OR3A2: variants seen among roughly 807,000 people sequenced by gnomAD.
OR3A2 encodes olfactory receptor family 3 subfamily A member 2.
For missense variants in OR3A2, 318 were observed against 392.8 expected (o/e 0.81, Z 1.61); for synonymous variants, 126 against 159.3 (o/e 0.79, Z 1.57).
intron 3 of OR3A2, among the ~76,000 whole-genome samples, chr17:3,294,529 A>T (rs1160960614): frequency 6.6e-6 from 1 of 152,218 alleles, no homozygotes; most frequent in South Asian, 2.1e-4. Flanking sequence ...TTTAAAACTC[A>T]ATTTTAATTA....
chr17:3,379,444 G>T (rs893320671), intron 2 of OR3A2, among the ~76,000 whole-genome samples: 1 of 152,180 alleles, frequency 6.6e-6, no homozygotes, highest in Non-Finnish European at 1.5e-5. Context: ...CAACCCTGAA[G>T]TCCACAAAGA....
chr17:3,352,809 T>C (rs1279168533), intron 2 of OR3A2, among the ~76,000 whole-genome samples: 1 of 152,070 alleles, frequency 6.6e-6, no homozygotes, highest in East Asian at 1.9e-4. Flanking sequence ...TTGATAAGGA[T>C]TGCATTGAAT....
At chr17:3,294,504 G>A (rs1470369859) in intron 3 of OR3A2, among the ~76,000 whole-genome samples, 2 of 151,954 alleles carry the variant, frequency 1.3e-5, no homozygotes, top group African/African-American at 4.8e-5. Flanking sequence ...TCAAAAAAGT[G>A]GAAAAGAACA....
intron 2 of OR3A2, among the ~76,000 whole-genome samples, chr17:3,376,295 T>C (rs2049683101): frequency 6.6e-6 from 1 of 152,224 alleles, no homozygotes; most frequent in Admixed American, 6.5e-5. Flanking sequence ...AAGCTTGCCC[T>C]ACATTGGCCA....
chr17:3,357,301 C>T (rs568827032), intron 2 of OR3A2, among the ~76,000 whole-genome samples: 3 of 151,674 alleles, frequency 2.0e-5, no homozygotes, highest in East Asian at 1.9e-4. Flanking sequence ...TCATGAGTGT[C>T]GTCTGGGGCT....
chr17:3,383,682 ACTC>A (rs2049756696), intron 2 of OR3A2: 1 of 151,752 alleles, frequency 6.6e-6, no homozygotes, highest in East Asian at 1.9e-4. Context: ...TGATGCTACT[ACTC>A]TATACTGGGG....
At chr17:3,370,358 A>G (rs967019829) in intron 2 of OR3A2, among the ~76,000 whole-genome samples, 1 of 152,122 alleles carries the variant, frequency 6.6e-6, no homozygotes, top group Non-Finnish European at 1.5e-5. Flanking sequence ...TTTCTGTGGT[A>G]TCAGTTGTAA....
chr17:3,353,307 G>C (rs2049436109), intron 2 of OR3A2, among the ~76,000 whole-genome samples: 1 of 151,350 alleles, frequency 6.6e-6, no homozygotes, highest in African/African-American at 2.4e-5. Context: ...TATCAACAGG[G>C]GTAATCTGAC....
chr17:3,373,856 T>C (rs1268694666), intron 2 of OR3A2, among the ~76,000 whole-genome samples: 3 of 152,186 alleles, frequency 2.0e-5, no homozygotes, highest in African/African-American at 4.8e-5. Context: ...CCTGAATTCC[T>C]TGGGTTTCTT....
intron 1 of OR3A2, among the ~76,000 whole-genome samples, chr17:3,280,416 C>T (rs147057595): frequency 2.0e-3 from 309 of 151,996 alleles, no homozygotes; most frequent in African/African-American, 6.9e-3. Flanking sequence ...GGACTACAGG[C>T]GCCCACCACC....
intron 3 of OR3A2, chr17:3,310,476 A>G (rs1427767540): frequency 1.9e-6 from 1 of 535,640 alleles, no homozygotes; most frequent in Admixed American, 1.9e-5. Context: ...CCTTATGGAA[A>G]CCAAACTCCA....
intron 2 of OR3A2, among the ~76,000 whole-genome samples, chr17:3,336,795 AT>A (rs980058638): frequency 6.6e-6 from 1 of 152,276 alleles, no homozygotes; most frequent in South Asian, 2.1e-4. Flanking sequence ...ATTGGGTATC[AT>A]TTTTTAAAAA....
At chr17:3,324,381 G>C (rs901465338) in intron 3 of OR3A2, among the ~76,000 whole-genome samples, 24 of 152,016 alleles carry the variant, frequency 1.6e-4, no homozygotes, top group Non-Finnish European at 3.5e-4. Flanking sequence ...TCTCCGTCCA[G>C]CTTTGTTCCA....
At chr17:3,291,825 A>G (rs1289285501) in intron 3 of OR3A2, 2 of 1,613,846 alleles carry the variant, frequency 1.2e-6, no homozygotes, top group South Asian at 2.2e-5. Flanking sequence ...ACCATAGAAT[A>G]TGGCAACCAC....
chr17:3,334,170 GT>G (rs1206313301), intron 3 of OR3A2, among the ~76,000 whole-genome samples: 1 of 152,178 alleles, frequency 6.6e-6, no homozygotes, highest in Non-Finnish European at 1.5e-5. Flanking sequence ...GTGTAAATTA[GT>G]TCAACTACTG....
At chr17:3,347,583 T>C (rs2049377864) in intron 2 of OR3A2, among the ~76,000 whole-genome samples, 3 of 152,264 alleles carry the variant, frequency 2.0e-5, no homozygotes, top group African/African-American at 7.2e-5. Context: ...CTCATCATTT[T>C]TTAAGGCTGC....
At position 3,356,040 on chromosome 17, in the gene OR3A2, A is replaced by G. The variant is rs185611457; in HGVS notation, c.-178-19914T>C. ...CCATGAGGCTAGCAAATACTGTCTC[A>G]TAACCCATTATTTTAAACTGATGAC... On this transcript the variant is annotated intron_variant, in intron 2 of 4. Coordinates refer to the OR3A2 transcript ENST00000573491. Among the ~76,000 whole-genome samples, 48 of 151,448 alleles carry G rather than the reference A, an allele frequency of 3.2e-4. No homozygotes were observed. In the East Asian group the frequency reaches 7.7e-3, roughly 24 times the overall value.
chr17:3,377,478 C>T (rs1288981323), intron 2 of OR3A2: 3 of 152,204 alleles, frequency 2.0e-5, no homozygotes, highest in Non-Finnish European at 2.9e-5. Context: ...GCCTACCTCA[C>T]TGAGACTGTA....
At chr17:3,285,401 T>C (rs764214797), upstream of OR3A2, among the ~76,000 whole-genome samples, 6 of 152,160 alleles carry the variant, frequency 3.9e-5, no homozygotes, top group Non-Finnish European at 7.3e-5. Context: ...TAAAATGAGA[T>C]ATCCTTCCTC....
Sources: gnomAD v4.1 joint callset for allele counts (sites outside exome capture counted in the v4.1 genomes callset) on GRCh38, gnomAD v4.1.1 for gene constraint, MANE v1.5 for transcripts, NCBI Gene and HGNC (gene_info 2026-07-23, HGNC 2026-07-21) for gene names.